Variants in SGCZ observed in about 807,000 individuals in gnomAD.
SGCZ encodes sarcoglycan zeta.
A neutral mutation model predicts 41.3 loss-of-function variants in SGCZ; 40 were observed. The ratio of observed to expected loss-of-function variants is 0.97; its 90% confidence interval spans 0.75 to 1.26. SGCZ has a LOEUF of 1.26. Ranked by LOEUF, SGCZ falls within the 50% of genes most tolerant of loss-of-function variation. The pLI is 0.00. For synonymous variants in SGCZ, 206 were observed against 137.5 expected (o/e 1.50, Z -3.49); for missense variants, 552 against 369.8 (o/e 1.49, Z -4.04).
intron 3 of SGCZ, among the ~76,000 whole-genome samples, chr8:14,259,525 A>C (rs1452915977): frequency 3.3e-4 from 48 of 147,220 alleles, no homozygotes; most frequent in African/African-American, 1.0e-3. Flanking sequence ...AGCTTTCTAC[A>C]TATGGCTAGC....
chr8:15,162,429 G>T (rs1180173954), intron 1 of SGCZ, among the ~76,000 whole-genome samples: 3 of 152,156 alleles, frequency 2.0e-5, no homozygotes, highest in Non-Finnish European at 4.4e-5. Flanking sequence ...ACAGCTACTT[G>T]TAAATTACTT....
intron 2 of SGCZ, among the ~76,000 whole-genome samples, chr8:14,369,101 T>C (rs1203537296): frequency 6.6e-6 from 1 of 151,384 alleles, no homozygotes; most frequent in African/African-American, 2.4e-5. Flanking sequence ...ATAGTACAAA[T>C]ATGAAAATTG....
At chr8:14,443,853 C>G (rs570299958) in intron 2 of SGCZ, among the ~76,000 whole-genome samples, 36 of 152,264 alleles carry the variant, frequency 2.4e-4, no homozygotes, top group African/African-American at 8.4e-4. Flanking sequence ...GCAAAAGAAA[C>G]TAACATCAGA....
intron 2 of SGCZ, among the ~76,000 whole-genome samples, chr8:14,527,245 G>T (rs147581158): frequency 4.0e-4 from 61 of 152,250 alleles, no homozygotes; most frequent in African/African-American, 1.4e-3. Context: ...CAGTAGATAT[G>T]ATGAGGTATG....
intron 1 of SGCZ, among the ~76,000 whole-genome samples, chr8:14,630,083 G>A (rs1251536925): frequency 1.3e-5 from 2 of 152,070 alleles, no homozygotes; most frequent in African/African-American, 2.4e-5. Flanking sequence ...CATGAGGAAG[G>A]TTTTCCTTAA....
chr8:14,401,096 T>C (rs1042222043), intron 2 of SGCZ, among the ~76,000 whole-genome samples: 1 of 152,112 alleles, frequency 6.6e-6, no homozygotes, highest in African/African-American at 2.4e-5. Context: ...CAGTCCACAC[T>C]GTGCAAGATA....
intron 1 of SGCZ, among the ~76,000 whole-genome samples, chr8:14,687,943 CTG>C (rs1235577340): frequency 1.3e-5 from 2 of 152,166 alleles, no homozygotes; most frequent in Admixed American, 1.3e-4. Flanking sequence ...CTCTGATAGA[CTG>C]TAATGGTGAG....
chr8:14,633,917 GT>G (rs1806741374), intron 1 of SGCZ, among the ~76,000 whole-genome samples: 1 of 151,786 alleles, frequency 6.6e-6, no homozygotes, highest in Admixed American at 6.6e-5. Flanking sequence ...TTAATTTTTA[GT>G]TATAAAGGTC....
At chr8:14,857,359 AG>A (rs1256780475) in intron 1 of SGCZ, among the ~76,000 whole-genome samples, 2 of 152,280 alleles carry the variant, frequency 1.3e-5, no homozygotes, top group East Asian at 3.9e-4. Flanking sequence ...CTAGATAATG[AG>A]ATTACAGATG....
intron 1 of SGCZ, among the ~76,000 whole-genome samples, chr8:14,583,043 C>T (rs1804944323): frequency 1.3e-5 from 2 of 150,420 alleles, no homozygotes; most frequent in African/African-American, 2.4e-5. Flanking sequence ...ATGGCTGGGT[C>T]AAATGGTATT....
chr8:15,010,359 T>C (rs886699049), intron 1 of SGCZ, among the ~76,000 whole-genome samples: 3 of 152,364 alleles, frequency 2.0e-5, no homozygotes, highest in African/African-American at 2.4e-5. Flanking sequence ...CTATCATTTA[T>C]AGAAATCTCA....
chr8:14,460,483 G>T (rs886557687), intron 2 of SGCZ, among the ~76,000 whole-genome samples: 3 of 152,106 alleles, frequency 2.0e-5, no homozygotes, highest in Admixed American at 6.6e-5. Flanking sequence ...GTATGGAAAG[G>T]CAGTGGGACG....
intron 3 of SGCZ, among the ~76,000 whole-genome samples, chr8:14,310,610 A>G (rs1205321004): frequency 6.6e-6 from 1 of 152,142 alleles, no homozygotes; most frequent in Admixed American, 6.6e-5. Flanking sequence ...AAATGGCTCA[A>G]GGAGTAAAGC....
Position 14,204,241 on chromosome 8 carries a change from G to A in SGCZ, c.424+33351C>T, listed in dbSNP as rs137934173. On this transcript the variant is annotated intron_variant, in intron 4 of 7. Coordinates refer to ENST00000382080, the MANE Select transcript of SGCZ (RefSeq NM_139167.4). ...TGTGTCATATCTGTTGCTTAGAGAT[G>A]GATCTTGCTATTTGGGTTCTTCTCA... is the stretch of plus-strand genomic sequence containing the variant. 3.0e-4 allele frequency among the ~76,000 whole-genome samples: 45 copies of A among 151,666 alleles called. No individual in the cohort carries two copies. In the East Asian group the frequency reaches 8.6e-3, roughly 29 times the overall value.
At chr8:14,611,430 A>G (rs2117340769) in intron 1 of SGCZ, among the ~76,000 whole-genome samples, 1 of 152,290 alleles carries the variant, frequency 6.6e-6, no homozygotes, top group East Asian at 1.9e-4. Context: ...TGTTTCTGGG[A>G]ATAAAGATGT....
intron 1 of SGCZ, among the ~76,000 whole-genome samples, chr8:15,163,688 C>T (rs545273860): frequency 6.6e-6 from 1 of 152,268 alleles, no homozygotes; most frequent in East Asian, 1.9e-4. Flanking sequence ...TTACTGCATA[C>T]TTTTGTACTA....
intron 1 of SGCZ, among the ~76,000 whole-genome samples, chr8:14,796,861 C>T (rs1411733863): frequency 6.6e-6 from 1 of 152,072 alleles, no homozygotes. Context: ...AGTAAGTACC[C>T]ACAAGATCTG....
chr8:14,750,382 G>C (rs1799459626), intron 1 of SGCZ, among the ~76,000 whole-genome samples: 1 of 152,090 alleles, frequency 6.6e-6, no homozygotes, highest in Admixed American at 6.6e-5. Flanking sequence ...ATATAGTAAA[G>C]TAGGAGAACT....
intron 1 of SGCZ, among the ~76,000 whole-genome samples, chr8:14,834,770 C>A (rs991699940): frequency 5.3e-5 from 8 of 152,116 alleles, no homozygotes; most frequent in African/African-American, 1.9e-4. Context: ...AGCATGTCTT[C>A]CTTGATAAGG....
Sources: allele counts gnomAD v4.1 joint callset (sites outside exome capture counted in the v4.1 genomes callset), GRCh38; gene constraint gnomAD v4.1.1; transcripts MANE v1.5; gene names NCBI Gene and HGNC (gene_info 2026-07-23, HGNC 2026-07-21).